Variants in MCF2L2 observed in about 807,000 individuals in gnomAD.
MCF2L2 encodes the protein probable guanine nucleotide exchange factor MCF2L2.
Under a neutral mutation model 150.2 loss-of-function variants are expected in MCF2L2, and 102 were observed. The observed-to-expected ratio is 0.68, with a 90% CI of 0.58 to 0.80. The LOEUF (loss-of-function observed/expected upper bound fraction) is 0.80. Among genes scored for constraint, MCF2L2 ranks in the 30% least tolerant of loss-of-function variants. The pLI, the probability that MCF2L2 is intolerant of heterozygous loss-of-function variation, is 0.00. For synonymous variants in MCF2L2, 465 were observed against 491.3 expected (o/e 0.95, Z 0.71); for missense variants, 1,256 against 1,372.8 (o/e 0.91, Z 1.34).
chr3:183,398,188 C>T (rs966160636), intron 1 of MCF2L2, among the ~76,000 whole-genome samples: 2 of 152,220 alleles, frequency 1.3e-5, no homozygotes, highest in African/African-American at 4.8e-5. Flanking sequence ...CTCCCACCCA[C>T]CCCTTTACCT....
intron 15 of MCF2L2, among the ~76,000 whole-genome samples, chr3:183,234,697 T>TA (rs1723729349): frequency 7.4e-6 from 1 of 134,420 alleles, no homozygotes; most frequent in African/African-American, 2.7e-5. Context: ...CTTTTTTTTT[T>TA]TTTTTTTTTT....
At chr3:183,231,625 CTTTT>C (rs753464554) in intron 15 of MCF2L2, among the ~76,000 whole-genome samples, 1 of 143,382 alleles carries the variant, frequency 7.0e-6, no homozygotes, top group Non-Finnish European at 1.5e-5. Flanking sequence ...CAGCTAACGC[CTTTT>C]TTTTTTTTTG....
intron 3 of MCF2L2, among the ~76,000 whole-genome samples, chr3:183,370,156 C>T (rs1038982130): frequency 5.3e-5 from 8 of 152,368 alleles, no homozygotes; most frequent in Admixed American, 3.9e-4. Context: ...GAAAGCCAAG[C>T]TACAAGTTAA....
At chr3:183,195,021 G>A (rs1224112533) in intron 26 of MCF2L2, among the ~76,000 whole-genome samples, 5 of 152,058 alleles carry the variant, frequency 3.3e-5, no homozygotes, top group South Asian at 2.1e-4. Flanking sequence ...GGGCTCAAGC[G>A]ATCCATCTGC....
intron 15 of MCF2L2, among the ~76,000 whole-genome samples, chr3:183,250,325 C>T (rs568498387): frequency 1.3e-5 from 2 of 152,294 alleles, no homozygotes; most frequent in South Asian, 2.1e-4. Flanking sequence ...GTGGTTCACG[C>T]CTGTAGTCCC....
rs568389774 is a variant in MCF2L2 at position 183,294,145 on chromosome 3, G to A, written c.1675+1155C>T. Among the ~76,000 whole-genome samples the A allele has an allele frequency of 1.2e-4, 18 of 152,168 alleles. No individual in the cohort carries two copies. The South Asian group carries it at 2.5e-3, about 21-fold the overall frequency. On this transcript the variant is annotated intron_variant, in intron 13 of 29. Coordinates refer to ENST00000328913, the MANE Select transcript of MCF2L2 (RefSeq NM_015078.4). Reference sequence around the variant, plus strand: ...TGAAAAAGAACAACGTTGGAACATCGCATGACTTGATCTTAAAGGCTGACT... The same window carrying A: ...TGAAAAAGAACAACGTTGGAACATCACATGACTTGATCTTAAAGGCTGACT...
chr3:183,250,679 C>A (rs1296636327), intron 15 of MCF2L2, among the ~76,000 whole-genome samples: 1 of 151,482 alleles, frequency 6.6e-6, no homozygotes, highest in Non-Finnish European at 1.5e-5. Flanking sequence ...GAGAAGAGAA[C>A]ACCAAGGAAG....
rs949742704 is a variant in MCF2L2 at position 183,413,125 on chromosome 3, G to A, written c.76+14777C>T. Among the ~76,000 whole-genome samples, 163 of 152,120 alleles carry A rather than the reference G, an allele frequency of 1.1e-3. 3 individuals are homozygous for A. The highest frequency in any genetic ancestry group is 5.9e-4 in the Admixed American group (9 of 15,258). On this transcript the variant is annotated intron_variant, in intron 1 of 29. Coordinates refer to ENST00000328913, the MANE Select transcript of MCF2L2 (RefSeq NM_015078.4). ...TTGTATGTTGCTGGATTTGGTGCTA[G>A]AACTTTGTTGAGCCTTTTTGTATCT...
chr3:183,381,016 A>AG (rs1339762613), intron 2 of MCF2L2, among the ~76,000 whole-genome samples: 3 of 152,190 alleles, frequency 2.0e-5, no homozygotes, highest in African/African-American at 7.2e-5. Context: ...CTTTTGGCCT[A>AG]GGGGGGCCAT....
At chr3:183,321,568 T>C (rs980704827) in intron 6 of MCF2L2, among the ~76,000 whole-genome samples, 1 of 152,154 alleles carries the variant, frequency 6.6e-6, no homozygotes, top group Non-Finnish European at 1.5e-5. Flanking sequence ...GGAAAAATGG[T>C]GCTGATAGAC....
intron 14 of MCF2L2, among the ~76,000 whole-genome samples, chr3:183,282,935 C>T (rs1727585157): frequency 6.6e-6 from 1 of 152,172 alleles, no homozygotes; most frequent in Admixed American, 6.5e-5. Context: ...TATAGGTGCT[C>T]TTAACAATCT....
chr3:183,315,502 G>A (rs1272755370), intron 7 of MCF2L2, among the ~76,000 whole-genome samples: 4 of 152,102 alleles, frequency 2.6e-5, no homozygotes, highest in East Asian at 3.9e-4. Flanking sequence ...GTTGGATAGG[G>A]GGTGTTTAAC....
intron 3 of MCF2L2, among the ~76,000 whole-genome samples, chr3:183,371,336 T>C (rs1346168244): frequency 1.3e-5 from 2 of 152,082 alleles, no homozygotes; most frequent in Non-Finnish European, 2.9e-5. Context: ...ACGTGAGACA[T>C]CAATCTATAC....
intron 14 of MCF2L2, among the ~76,000 whole-genome samples, chr3:183,277,976 G>A (rs1014959643): frequency 1.1e-4 from 17 of 148,612 alleles, no homozygotes; most frequent in African/African-American, 4.2e-4. Flanking sequence ...TTTGAGGTCA[G>A]GAGTTCAAGA....
intron 14 of MCF2L2, chr3:183,287,581 A>T (rs962792297): frequency 3.9e-5 from 6 of 152,326 alleles, no homozygotes; most frequent in South Asian, 4.1e-4. Flanking sequence ...ATCTATTTTT[A>T]AAAATTGCTA....
intron 25 of MCF2L2, among the ~76,000 whole-genome samples, chr3:183,203,114 G>A (rs1469823920): frequency 6.6e-6 from 1 of 152,128 alleles, no homozygotes; most frequent in Non-Finnish European, 1.5e-5. Context: ...TCGGGAGGCT[G>A]AGGCAGAAGA....
chr3:183,318,704 T>C (rs1349562822), intron 6 of MCF2L2, among the ~76,000 whole-genome samples: 5 of 152,212 alleles, frequency 3.3e-5, no homozygotes, highest in Non-Finnish European at 1.5e-5. Context: ...ATGAAGCCAA[T>C]GTTACAATAA....
chr3:183,278,358 ATG>A (rs747856599), intron 14 of MCF2L2, among the ~76,000 whole-genome samples: 23 of 149,776 alleles, frequency 1.5e-4, no homozygotes, highest in Admixed American at 2.0e-4. Context: ...GCCACTATGT[ATG>A]TGTGTGTGTG....
chr3:183,399,870 T>C (rs1386406603), intron 1 of MCF2L2, among the ~76,000 whole-genome samples: 1 of 152,202 alleles, frequency 6.6e-6, no homozygotes, highest in African/African-American at 2.4e-5. Flanking sequence ...TTGCCTGCCA[T>C]GAAGTGACCA....
Sources: gnomAD v4.1 joint callset for allele counts (sites outside exome capture counted in the v4.1 genomes callset) on GRCh38, gnomAD v4.1.1 for gene constraint, MANE v1.5 for transcripts, NCBI Gene and HGNC (gene_info 2026-07-23, HGNC 2026-07-21) for gene names.